CEP89: variants seen among roughly 807,000 people sequenced by gnomAD.
The protein encoded by CEP89 is centrosomal protein 89, also known as centrosomal protein of 89 kDa.
Under a neutral mutation model 97.6 loss-of-function variants are expected in CEP89, and 95 were observed. That is an observed-to-expected ratio of 0.97 (90% CI 0.82 to 1.15). The LOEUF is 1.15. Ranked by LOEUF, CEP89 falls within the 50% of genes most tolerant of loss-of-function variation. CEP89 has a pLI of 0.00. For synonymous variants in CEP89, 354 were observed against 349.1 expected (o/e 1.01, Z -0.16); for missense variants, 869 against 947.7 (o/e 0.92, Z 1.09).
Position 32,879,312 on chromosome 19 carries a change from T to C in CEP89, c.2202A>G (p.Glu734=). ...TCCTCGTGAGTGTGTCCTGGAGAAGTTCTCGGATTCTTCGGTTTTCCCTGA... is the reference window on the plus strand; with the variant it reads ...TCCTCGTGAGTGTGTCCTGGAGAAGCTCTCGGATTCTTCGGTTTTCCCTGA... ...STFRENRRIR[E]LLQDTLTRTG... Residue 734 remains glutamate (E), a synonymous_variant, in exon 19 of 19, where the codon GAA becomes GAG. Transcript: ENST00000305768. 2 of 1,614,228 alleles carry C rather than the reference T, an allele frequency of 1.2e-6. No individual in the cohort carries two copies. The highest frequency in any genetic ancestry group is 1.1e-5 in the South Asian group (1 of 91,086).
In CEP89 at chr19:32,971,646, G is replaced by A. The variant is rs567592284; in HGVS notation, c.39+190C>T. ...CACTCTAGCCTGGGCGACAGAGCGAGACCCTGTTTCTTAAAAAAAAAAAAA... is the reference window on the plus strand; with the variant it reads ...CACTCTAGCCTGGGCGACAGAGCGAAACCCTGTTTCTTAAAAAAAAAAAAA... On this transcript the variant is annotated intron_variant, in intron 1 of 18. Transcript: ENST00000305768. 2.7e-4 allele frequency: 163 copies of A among 614,442 alleles called. No individual in the cohort carries two copies. The African/African-American group carries it at 2.9e-3, about 11-fold the overall frequency. The allele number at this position is 614,442 out of a possible 1,614,324, so 38.1% of individuals were successfully genotyped here.
chr19:32,952,683 C>T (rs965660196), intron 4 of CEP89, among the ~76,000 whole-genome samples: 3 of 151,672 alleles, frequency 2.0e-5, no homozygotes, highest in African/African-American at 7.3e-5. Flanking sequence ...GCAGGCGGAT[C>T]GCTTGAGGTC....
chr19:32,915,485 C>T lies in CEP89; in HGVS notation c.1417G>A (p.Glu473Lys). Residue 473 changes from glutamate (E) to lysine (K), a missense_variant, in exon 14 of 19, where the codon GAG (glutamate) becomes AAG (lysine). Physicochemically the swap from Glu to Lys is moderately conservative, Grantham distance 56 (BLOSUM62 1). Transcript: ENST00000305768. ...SKLTKQLMLL[E>K]AKTHGQEKEL... ...TTTTCCTGGCCGTGGGTTTTTGCCT[C>T]CAGGAGCATTAGTTGTTTAGTCAGC... 6.2e-7 allele frequency: 1 copy of T among 1,611,766 alleles called. No homozygotes were observed. Among genetic ancestry groups the T allele is most frequent in the Non-Finnish European group, 8.5e-7 (1 of 1,179,510 alleles).
chr19:32,945,723 G>A (rs1177270401), intron 5 of CEP89, among the ~76,000 whole-genome samples: 4 of 152,052 alleles, frequency 2.6e-5, no homozygotes, highest in Non-Finnish European at 5.9e-5. Context: ...GGCTGGATTC[G>A]AACTCCCAGG....
intron 1 of CEP89, 171 bp downstream of exon 1, chr19:32,971,665 A>C: frequency 1.5e-6 from 1 of 670,090 alleles, no homozygotes; most frequent in Non-Finnish European, 2.6e-6. Context: ...TCTTAAAAAA[A>C]AAAAAAAAAG....
chr19:32,967,711 C>G (rs1000127090), intron 1 of CEP89, among the ~76,000 whole-genome samples: 19 of 152,284 alleles, frequency 1.2e-4, no homozygotes, highest in African/African-American at 4.6e-4. Context: ...CCCACTGGTC[C>G]CACATTTGGA....
chr19:32,960,059 C>G lies in CEP89; in HGVS notation c.147-1G>C. Reference sequence around the variant, plus strand: ...CAGAATGGCTGCTGCCAGAGCAGATCTGCGGACAAAAACATCCCATGGAGA... The same window carrying G: ...CAGAATGGCTGCTGCCAGAGCAGATGTGCGGACAAAAACATCCCATGGAGA... On this transcript the variant is annotated splice_acceptor_variant, in intron 2 of 18. Coordinates refer to ENST00000305768, the MANE Select transcript of CEP89 (RefSeq NM_032816.5). LOFTEE classifies it high-confidence loss of function. 1.2e-6 allele frequency: 2 copies of G among 1,614,102 alleles called. No individual in the cohort carries two copies. The highest frequency in any genetic ancestry group is 1.3e-5 in the African/African-American group (1 of 75,056).
At position 32,947,295 on chromosome 19, in the gene CEP89, C is replaced by T. The variant is rs373514645; in HGVS notation, c.595+971G>A. 1.3e-4 allele frequency among the ~76,000 whole-genome samples: 20 copies of T among 152,110 alleles called. 1 individual carries two copies. In the East Asian group the frequency reaches 3.7e-3, roughly 28 times the overall value. On this transcript the variant is annotated intron_variant, in intron 5 of 18. Coordinates refer to ENST00000305768, the MANE Select transcript of CEP89 (RefSeq NM_032816.5). ...AGATATATGTCCACGTACTCATTCA[C>T]CCAACAGATCTTTCCTAGTGGGCCA...
chr19:32,928,506 A>C (rs1006365375), intron 9 of CEP89, among the ~76,000 whole-genome samples: 2 of 152,032 alleles, frequency 1.3e-5, no homozygotes, highest in Non-Finnish European at 2.9e-5. Context: ...TTAGCCATAC[A>C]TCTCAGGCAC....
chr19:32,942,674 A>G (rs200151018), intron 5 of CEP89, among the ~76,000 whole-genome samples: 1 of 152,108 alleles, frequency 6.6e-6, no homozygotes, highest in African/African-American at 2.4e-5. Flanking sequence ...CTGTGAATCT[A>G]CTTTGTGTCC....
chr19:32,933,686 G>C lies in CEP89; in HGVS notation c.668-17C>G, dbSNP rs1356077564. 1 of 1,496,304 alleles carries C rather than the reference G, an allele frequency of 6.7e-7. No individual in the cohort carries two copies. The highest frequency in any genetic ancestry group is 1.7e-5 in the Admixed American group (1 of 57,696). The allele number at this position is 1,496,304 out of a possible 1,614,324, so 92.7% of individuals were successfully genotyped here. A position where few individuals can be genotyped will look rare whatever the true frequency, so the allele number is the denominator to read the frequency against. On this transcript the variant is annotated splice_polypyrimidine_tract_variant and intron_variant, in intron 7 of 18. Transcript: ENST00000305768. ...CAGTTATATCTGAAAGGGTTCAGGG[G>C]AAAATTTTACAATGTTAATTGATGT...
At chr19:32,900,992 T>C (rs1969755870) in intron 15 of CEP89, among the ~76,000 whole-genome samples, 1 of 151,014 alleles carries the variant, frequency 6.6e-6, no homozygotes, top group Admixed American at 6.7e-5. Context: ...CTCAAATGAT[T>C]CTCCTGCCTC....
chr19:32,879,579 T>C (rs1486816887), intron 18 of CEP89, among the ~76,000 whole-genome samples: 1 of 151,944 alleles, frequency 6.6e-6, no homozygotes, highest in East Asian at 1.9e-4. Flanking sequence ...CAGCCCAGGC[T>C]GGGGCTCAGT....
intron 16 of CEP89, among the ~76,000 whole-genome samples, chr19:32,894,444 A>C (rs1404353092): frequency 2.6e-5 from 4 of 152,152 alleles, no homozygotes; most frequent in African/African-American, 7.2e-5. Flanking sequence ...CCTTAATCGT[A>C]ATGTAGCTTC....
At chr19:32,959,864 T>C in intron 3 of CEP89, 36 bp downstream of exon 3, 5 of 1,611,548 alleles carry the variant, frequency 3.1e-6, no homozygotes, top group Non-Finnish European at 4.2e-6. Flanking sequence ...CCTCTTCCAC[T>C]CTCAGAGGAA....
In CEP89 at chr19:32,971,251, G is replaced by A. The variant is rs184589043; in HGVS notation, c.39+585C>T. On this transcript the variant is annotated intron_variant, in intron 1 of 18. Coordinates refer to ENST00000305768, the MANE Select transcript of CEP89 (RefSeq NM_032816.5). The stretch of plus-strand genomic sequence containing the variant: ...GATGGGGTGTACATGGTGGGTGGAG[G>A]AGGGAAAAATGAAGAATGGCTATAT... 6.7e-4 allele frequency: 249 copies of A among 371,184 alleles called. 3 individuals carry two copies. The highest frequency in any genetic ancestry group is 4.2e-3 in the African/African-American group (201 of 47,978). The allele number at this position is 371,184 out of a possible 1,614,324, so 23.0% of individuals were successfully genotyped here. A position where few individuals can be genotyped will look rare whatever the true frequency, so the allele number is the denominator to read the frequency against.
At chr19:32,885,275 CTCACT>C (rs1349385610) in intron 17 of CEP89, among the ~76,000 whole-genome samples, 1 of 152,226 alleles carries the variant, frequency 6.6e-6, no homozygotes, top group African/African-American at 2.4e-5. Flanking sequence ...ATATTCTTCG[CTCACT>C]ACAAGTTAAT....
chr19:32,922,829 C>A (rs1970277932), intron 12 of CEP89, among the ~76,000 whole-genome samples: 2 of 145,368 alleles, frequency 1.4e-5, no homozygotes, highest in Admixed American at 1.4e-4. Flanking sequence ...GCCTGGCCAA[C>A]ACAGCAAGAC....
At chr19:32,880,185 CG>C (rs1245400090) in intron 18 of CEP89, among the ~76,000 whole-genome samples, 2 of 152,194 alleles carry the variant, frequency 1.3e-5, no homozygotes, top group African/African-American at 4.8e-5. Flanking sequence ...TTAGCCCCAT[CG>C]GGGAGCATGG....
Sources: gnomAD v4.1 joint callset for allele counts (sites outside exome capture counted in the v4.1 genomes callset) on GRCh38, gnomAD v4.1.1 for gene constraint, MANE v1.5 for transcripts, NCBI Gene and HGNC (gene_info 2026-07-23, HGNC 2026-07-21) for gene names.